Variants in AGAP1 observed in about 807,000 individuals in gnomAD.
AGAP1 encodes ArfGAP with GTPase domain, ankyrin repeat and PH domain 1.
In AGAP1, 29 loss-of-function variants were observed where a neutral mutation model predicts 105.3. The observed-to-expected ratio is 0.28, with a 90% CI of 0.21 to 0.38. The LOEUF (loss-of-function observed/expected upper bound fraction) is 0.38, where lower values mean the gene tolerates loss of function less well. Among genes scored for constraint, AGAP1 ranks in the 10% least tolerant of loss-of-function variants. The probability of loss-of-function intolerance (pLI) is 1.00; values close to 1 mark genes in which losing one functional copy is unlikely to be tolerated. For synonymous variants in AGAP1, 509 were observed against 485.9 expected (o/e 1.05, Z -0.63); for missense variants, 998 against 1,165.1 (o/e 0.86, Z 2.09).
In AGAP1 at chr2:235,751,948, G is replaced by A. The variant is rs1953478755; in HGVS notation, c.673+1460G>A. Among the ~76,000 whole-genome samples the A allele has an allele frequency of 6.6e-6, 1 of 152,176 alleles. No individual in the cohort carries two copies. The highest frequency in any genetic ancestry group is 2.1e-4 in the South Asian group (1 of 4,818). ...CTCTGTCGGGAGAATGTCCTGTGGG[G>A]AGTAAACCTCATTTCAAGCCGTGCT... On this transcript the variant is annotated intron_variant, in intron 6 of 17. Coordinates refer to ENST00000304032, the MANE Select transcript of AGAP1 (RefSeq NM_001037131.3). The surrounding 1 kb of genome is among the most constrained non-coding windows in gnomAD (Gnocchi z 5.3).
chr2:235,784,681 T>C (rs890923407), intron 6 of AGAP1, among the ~76,000 whole-genome samples: 1 of 150,326 alleles, frequency 6.7e-6, no homozygotes, highest in African/African-American at 2.5e-5. Flanking sequence ...GCAAAAAAAA[T>C]TTACCTGGTT....
At chr2:235,657,957 G>A (rs988530750) in intron 1 of AGAP1, among the ~76,000 whole-genome samples, 6 of 152,140 alleles carry the variant, frequency 3.9e-5, no homozygotes, top group African/African-American at 1.4e-4. Flanking sequence ...TGTCCAAGCC[G>A]AGAGACCTCA....
intron 1 of AGAP1, among the ~76,000 whole-genome samples, chr2:235,545,044 C>A (rs1943577584): frequency 6.6e-6 from 1 of 152,206 alleles, no homozygotes; most frequent in Non-Finnish European, 1.5e-5. Flanking sequence ...TCTGAACCTT[C>A]CGTCCCAACC....
In AGAP1 at chr2:236,003,197, G is replaced by T. The variant is rs546796987; in HGVS notation, c.1646-33364G>T. On this transcript the variant is annotated intron_variant, in intron 13 of 17. Coordinates refer to ENST00000304032, the MANE Select transcript of AGAP1 (RefSeq NM_001037131.3). The surrounding 1 kb of genome is among the most constrained non-coding windows in gnomAD (Gnocchi z 4.2). ...GTAGCTGGGACTACAGGCACATGCC[G>T]CCACGCCCAGCTAATTTTTGTATTT... Among the ~76,000 whole-genome samples the T allele has an allele frequency of 1.3e-5, 2 of 152,016 alleles. No homozygotes were observed. The highest frequency in any genetic ancestry group is 4.8e-5 in the African/African-American group (2 of 41,394).
At position 235,799,154 on chromosome 2, in the gene AGAP1, G is replaced by A. The variant is rs529348877; in HGVS notation, c.802-213G>A. Among the ~76,000 whole-genome samples the A allele has an allele frequency of 3.3e-5, 5 of 152,276 alleles. No individual in the cohort carries two copies. The highest frequency in any genetic ancestry group is 6.5e-5 in the Admixed American group (1 of 15,288). The stretch of plus-strand genomic sequence containing the variant: ...TTGTCTTCAGTCACTTTTCTCAGGG[G>A]ATGCCACTGAGTGAGATGATTGGCA... On this transcript the variant is annotated intron_variant, in intron 7 of 17. Transcript: ENST00000304032. This position sits in a 1 kb window ranked among gnomAD's most constrained non-coding sequence, Gnocchi z 5.0.
At chr2:236,026,848 A>G (rs2057072002) in intron 13 of AGAP1, among the ~76,000 whole-genome samples, 1 of 152,246 alleles carries the variant, frequency 6.6e-6, no homozygotes, top group African/African-American at 2.4e-5. Context: ...GGAGAAGATA[A>G]CGGAAAGCCA....
chr2:235,908,971 A>G lies in AGAP1; in HGVS notation c.1324+65A>G, dbSNP rs1457939514. The stretch of plus-strand genomic sequence containing the variant: ...AGCAACAGGTGGTCCAGGCTCGAGG[A>G]TAATGTTGGACTCCTAGGTTAAGTG... On this transcript the variant is annotated intron_variant, in intron 11 of 17. Coordinates refer to ENST00000304032, the MANE Select transcript of AGAP1 (RefSeq NM_001037131.3). This position sits in a 1 kb window ranked among gnomAD's most constrained non-coding sequence, Gnocchi z 4.4. 4.0e-6 allele frequency: 6 copies of G among 1,514,648 alleles called. No individual in the cohort carries two copies. The African/African-American group carries it at 8.2e-5, about 21-fold the overall frequency. 93.8% of individuals were successfully genotyped at this position (1,514,648 alleles called of 1,614,324 possible). A position where few individuals can be genotyped will look rare whatever the true frequency, so the allele number is the denominator to read the frequency against.
At position 235,793,188 on chromosome 2, in the gene AGAP1, G is replaced by C. The variant is rs1198413498; in HGVS notation, c.674-4571G>C. Among the ~76,000 whole-genome samples the C allele has an allele frequency of 6.6e-6, 1 of 152,162 alleles. No homozygotes were observed. Among genetic ancestry groups the C allele is most frequent in the Non-Finnish European group, 1.5e-5 (1 of 68,024 alleles). ...AGTGACCATGGCAATGGCAGGCCCAGCCTAGGGATTGCAGAGAGCAGGAGA... is the reference window on the plus strand; with the variant it reads ...AGTGACCATGGCAATGGCAGGCCCACCCTAGGGATTGCAGAGAGCAGGAGA... On this transcript the variant is annotated intron_variant, in intron 6 of 17. Coordinates refer to ENST00000304032, the MANE Select transcript of AGAP1 (RefSeq NM_001037131.3). This position sits in a 1 kb window ranked among gnomAD's most constrained non-coding sequence, Gnocchi z 5.3.
At chr2:235,984,521 T>G (rs2055226552) in intron 13 of AGAP1, among the ~76,000 whole-genome samples, 1 of 150,268 alleles carries the variant, frequency 6.7e-6, no homozygotes, top group Non-Finnish European at 1.5e-5. Context: ...GATGCGCAGA[T>G]TGTGCAGGTT....
intron 12 of AGAP1, among the ~76,000 whole-genome samples, chr2:235,946,228 G>C (rs568614209): frequency 4.6e-5 from 7 of 151,416 alleles, no homozygotes; most frequent in Admixed American, 2.6e-4. Context: ...GTTTGTGTGT[G>C]TGTGGTTATG....
chr2:236,120,454 G>T lies in AGAP1; in HGVS notation c.2370+7G>T. ...GGCGCAGCTCCTGATCTGGGTAGGT[G>T]GTCGGCACGCCTGGCAGAGGACGGG... On this transcript the variant is annotated splice_region_variant and intron_variant, in intron 17 of 17. Transcript: ENST00000304032. This position sits in a 1 kb window ranked among gnomAD's most constrained non-coding sequence, Gnocchi z 6.0. The T allele has an allele frequency of 1.9e-6, 3 of 1,611,214 alleles. No homozygotes were observed. Among genetic ancestry groups the T allele is most frequent in the Non-Finnish European group, 2.5e-6 (3 of 1,179,714 alleles).
intron 6 of AGAP1, among the ~76,000 whole-genome samples, chr2:235,781,878 C>T (rs902391872): frequency 6.6e-6 from 1 of 152,000 alleles, no homozygotes; most frequent in South Asian, 2.1e-4. Flanking sequence ...CTAGTGTATA[C>T]GGAGTTTCCG....
intron 16 of AGAP1, among the ~76,000 whole-genome samples, chr2:236,117,240 C>CACCA (rs1389996992): frequency 2.6e-5 from 4 of 152,208 alleles, no homozygotes; most frequent in African/African-American, 9.7e-5. Flanking sequence ...GTTCCCTGTA[C>CACCA]ACCACATCCA....
chr2:235,622,596 C>T lies in AGAP1; in HGVS notation c.164-86583C>T, dbSNP rs10176337. Among the ~76,000 whole-genome samples, 24,871 of 152,062 alleles carry T rather than the reference C, an allele frequency of 0.16. 2,262 individuals are homozygous for T. The highest frequency in any genetic ancestry group is 0.2 in the Non-Finnish European group (13,375 of 67,982). ...GGTGGACTCACTAAGTCAACTTTGACGCTTCAGCCAACGTCGGTTTTGAGA... is the reference window on the plus strand; with the variant it reads ...GGTGGACTCACTAAGTCAACTTTGATGCTTCAGCCAACGTCGGTTTTGAGA... On this transcript the variant is annotated intron_variant, in intron 1 of 17. Coordinates refer to ENST00000304032, the MANE Select transcript of AGAP1 (RefSeq NM_001037131.3). This position sits in a 1 kb window ranked among gnomAD's most constrained non-coding sequence, Gnocchi z 5.0.
In AGAP1 at chr2:236,104,499, T is replaced by TGG. The variant is rs2059436242; in HGVS notation, c.2115-15689_2115-15688dup. 6.6e-6 allele frequency among the ~76,000 whole-genome samples: 1 copy of TGG among 152,200 alleles called. No homozygotes were observed. The highest frequency in any genetic ancestry group is 2.4e-5 in the African/African-American group (1 of 41,456). On this transcript the variant is annotated intron_variant, in intron 16 of 17. Transcript: ENST00000304032. The surrounding 1 kb of genome is among the most constrained non-coding windows in gnomAD (Gnocchi z 4.7). ...AATCCTTGTCCCTTCTCAGATTCCTTGGGGGCACAGGGCTGTGAGGGTCAG... is the reference window on the plus strand; with the variant it reads ...AATCCTTGTCCCTTCTCAGATTCCTTGGGGGGGCACAGGGCTGTGAGGGTCAG...
intron 12 of AGAP1, among the ~76,000 whole-genome samples, chr2:235,941,554 C>T (rs1283958334): frequency 6.6e-6 from 1 of 152,182 alleles, no homozygotes; most frequent in Non-Finnish European, 1.5e-5. Flanking sequence ...GGCATACGTT[C>T]GCATTCTGAA....
At chr2:236,079,646 AG>A (rs1235936046) in intron 16 of AGAP1, among the ~76,000 whole-genome samples, 1 of 152,144 alleles carries the variant, frequency 6.6e-6, no homozygotes, top group Non-Finnish European at 1.5e-5. Context: ...CAGCAGGGGT[AG>A]GCAGACAGGA....
At chr2:236,116,049 CCCAG>C (rs776173399) in intron 16 of AGAP1, among the ~76,000 whole-genome samples, 10 of 152,140 alleles carry the variant, frequency 6.6e-5, no homozygotes, top group Non-Finnish European at 1.2e-4. Flanking sequence ...AGGTGGCCCG[CCCAG>C]CCTCGGCCTC....
chr2:235,579,444 T>G (rs752115430), intron 1 of AGAP1, among the ~76,000 whole-genome samples: 1 of 152,124 alleles, frequency 6.6e-6, no homozygotes. Flanking sequence ...TAAAAAATAT[T>G]GAGGCAAAAT....
Sources: gnomAD v4.1 joint callset for allele counts (sites outside exome capture counted in the v4.1 genomes callset) on GRCh38, gnomAD v4.1.1 for gene constraint, Gnocchi (gnomAD v3.1) non-coding constraint, MANE v1.5 for transcripts, NCBI Gene and HGNC (gene_info 2026-07-23, HGNC 2026-07-21) for gene names.